TRPM8: variants seen among roughly 807,000 people sequenced by gnomAD.
TRPM8 encodes TRPM8 cationic channel.
A neutral mutation model predicts 133.7 loss-of-function variants in TRPM8; 110 were observed. The observed-to-expected ratio is 0.82, with a 90% CI of 0.70 to 0.96. The LOEUF is 0.96. Ranked by LOEUF, TRPM8 falls within the 40% of genes least tolerant of loss-of-function variation. TRPM8 has a pLI of 0.00. For synonymous variants in TRPM8, 535 were observed against 532.3 expected, an observed-to-expected ratio of 1.01 and a Z score of -0.07; for missense variants, 1,291 against 1,379.5, an observed-to-expected ratio of 0.94 and a Z score of 1.02.
chr2:233,992,041 A>T (rs965010387), intron 21 of TRPM8, among the ~76,000 whole-genome samples: 2 of 152,116 alleles, frequency 1.3e-5, no homozygotes, highest in South Asian at 2.1e-4. Context: ...GGTCTTTTTC[A>T]TATGGATCTG....
At chr2:233,993,302 C>G (rs1019610777) in intron 21 of TRPM8, among the ~76,000 whole-genome samples, 1 of 152,110 alleles carries the variant, frequency 6.6e-6, no homozygotes, top group African/African-American at 2.4e-5. Flanking sequence ...CAGGAGGGGC[C>G]GTGCAGTCAA....
chr2:234,000,334 C>G (rs1042431843), intron 22 of TRPM8, among the ~76,000 whole-genome samples: 18 of 152,114 alleles, frequency 1.2e-4, no homozygotes, highest in African/African-American at 4.3e-4. Context: ...TCGTCTTGAA[C>G]TCCTGACTTT....
At position 233,996,365 on chromosome 2, in the gene TRPM8, C is replaced by A. The variant is rs374816704; in HGVS notation, c.2979C>A (p.Val993=). Residue 993 remains valine (V), a synonymous_variant, in exon 22 of 26, where the codon GTC becomes GTA. Transcript: ENST00000324695. ...VGTVQENNDQ[V]WKFQRYFLVQ... is the part of the protein sequence containing the mutation. ...CCGTCCAGGAGAACAATGACCAGGTCTGGAAGTTCCAGAGGTACTTCCTGG... is the reference window on the plus strand; with the variant it reads ...CCGTCCAGGAGAACAATGACCAGGTATGGAAGTTCCAGAGGTACTTCCTGG... The A allele has an allele frequency of 3.7e-6, 6 of 1,614,098 alleles. No individual in the cohort carries two copies. The highest frequency in any genetic ancestry group is 5.1e-6 in the Non-Finnish European group (6 of 1,180,054).
chr2:233,921,889 T>C (rs1257318452), intron 1 of TRPM8, among the ~76,000 whole-genome samples: 4 of 152,082 alleles, frequency 2.6e-5, no homozygotes, highest in Admixed American at 2.0e-4. Context: ...GCCAGGCTGG[T>C]CTCAAACTCC....
chr2:233,946,018 C>T lies in TRPM8; in HGVS notation c.862C>T (p.Arg288Cys), dbSNP rs141984026. ...TCAGCTAGAGAAGTATATCTCTGAG[C>T]GCACTATTCAAGGTCAGTGGTTAGG... ...RNQLEKYISE[R>C]TIQDSNYGGK... is the part of the protein sequence containing the mutation. The change falls in exon 7 of 26, where the codon CGC becomes TGC. Residue 288 changes from arginine (R) to cysteine (C), a missense_variant. Around this residue, in one of 2 missense-constraint regions of TRPM8, gnomAD observed 963 missense variants for 968.9 expected, o/e 0.99. Transcript: ENST00000324695. The T allele has an allele frequency of 2.4e-5, 39 of 1,613,872 alleles. No homozygotes were observed. Among genetic ancestry groups the T allele is most frequent in the South Asian group, 1.8e-4 (16 of 91,054 alleles).
chr2:233,920,026 C>T (rs1464428922), intron 1 of TRPM8, among the ~76,000 whole-genome samples: 1 of 152,188 alleles, frequency 6.6e-6, no homozygotes, highest in East Asian at 1.9e-4. Context: ...GAGGCCACCT[C>T]ATTAGCACCT....
At chr2:233,974,436 G>T (rs1691814101) in intron 17 of TRPM8, among the ~76,000 whole-genome samples, 1 of 152,144 alleles carries the variant, frequency 6.6e-6, no homozygotes, top group African/African-American at 2.4e-5. Context: ...GTTTCACCAT[G>T]TTGGCCAGGA....
rs149198571 is a variant in TRPM8 at position 233,963,358 on chromosome 2, C to T, written c.1730C>T (p.Ser577Phe). ...ATTCTTCAGAATAAGAAGGAACTCT[C>T]CAAAGTCATTTGGGAGCAGGTAAGT... ...WAILQNKKEL[S>F]KVIWEQTRGC... The change falls in exon 13 of 26, where the codon TCC (serine) becomes TTC (phenylalanine). Residue 577 changes from serine (S) to phenylalanine (F), a missense_variant. Coordinates refer to ENST00000324695, the MANE Select transcript of TRPM8 (RefSeq NM_024080.5). 4 of 1,612,238 alleles carry T rather than the reference C, an allele frequency of 2.5e-6. No individual in the cohort carries two copies. The African/African-American group carries it at 5.3e-5, about 22-fold the overall frequency.
In TRPM8 at chr2:234,018,478, T is replaced by C. The variant is rs1693012744; in HGVS notation, c.*1222T>C. On this transcript the variant is annotated 3_prime_UTR_variant, in exon 26 of 26. Transcript: ENST00000324695. The stretch of plus-strand genomic sequence containing the variant: ...TAAAACCATTTATAAGGCTTTTTCA[T>C]AAATGTATAGCAAATAGGAATTATT... 6.6e-6 allele frequency: 1 copy of C among 151,872 alleles called. No individual in the cohort carries two copies. Among genetic ancestry groups the C allele is most frequent in the African/African-American group, 2.4e-5 (1 of 41,422 alleles). 9.4% of individuals were successfully genotyped at this position (151,872 alleles called of 1,614,324 possible).
In TRPM8 at chr2:233,945,860, A is replaced by AC. The variant is rs776535395; in HGVS notation, c.704_705insC (p.Leu237PhefsTer8). 3 of 1,609,950 alleles carry AC rather than the reference A, an allele frequency of 1.9e-6. No individual in the cohort carries two copies. Among genetic ancestry groups the AC allele is most frequent in the Admixed American group, 1.7e-5 (1 of 59,910 alleles). ...AAGTTTCCCTGTACTTTTCAGGGCT[A>AC]TTTTTTAGCCCAGTACCTTATGGAT... On this transcript the variant is annotated frameshift_variant, in exon 7 of 26. Coordinates refer to ENST00000324695, the MANE Select transcript of TRPM8 (RefSeq NM_024080.5). LOFTEE classifies it high-confidence loss of function.
At chr2:233,991,747 A>G (rs11562974) in intron 21 of TRPM8, among the ~76,000 whole-genome samples, 4,899 of 152,046 alleles carry the variant, frequency 0.032, 162 homozygotes, top group East Asian at 0.19. Flanking sequence ...TTACTGAAGT[A>G]TTTTTTTCTT....
At chr2:234,005,893 A>C (rs1227311975) in intron 22 of TRPM8, among the ~76,000 whole-genome samples, 4 of 147,248 alleles carry the variant, frequency 2.7e-5, no homozygotes, top group Non-Finnish European at 4.5e-5. Context: ...GCACCACTGC[A>C]CTCCAGCCTG....
chr2:233,960,775 G>A lies in TRPM8; in HGVS notation c.1363-1G>A. On this transcript the variant is annotated splice_acceptor_variant, in intron 11 of 25. Transcript: ENST00000324695. LOFTEE classifies it high-confidence loss of function. The stretch of plus-strand genomic sequence containing the variant: ...GTACTGTCTCTGTTCTTTCTCCTTA[G>A]TCTGCTGACCTTCAAGAAGTCATGT... 6.2e-7 allele frequency: 1 copy of A among 1,613,416 alleles called. No homozygotes were observed. Among genetic ancestry groups the A allele is most frequent in the Non-Finnish European group, 8.5e-7 (1 of 1,179,546 alleles).
intron 21 of TRPM8, among the ~76,000 whole-genome samples, chr2:233,991,684 CT>C (rs1241758759): frequency 1.3e-5 from 2 of 152,198 alleles, no homozygotes; most frequent in African/African-American, 4.8e-5. Context: ...ACTTTGCATT[CT>C]GTTCTGTGGA....
At chr2:233,988,228 G>T (rs1180348707) in intron 21 of TRPM8, among the ~76,000 whole-genome samples, 1 of 151,904 alleles carries the variant, frequency 6.6e-6, no homozygotes, top group Admixed American at 6.6e-5. Context: ...GCACATACTT[G>T]TCCTCTGTCT....
intron 3 of TRPM8, among the ~76,000 whole-genome samples, chr2:233,932,523 G>A (rs1318669212): frequency 6.6e-6 from 1 of 152,158 alleles, no homozygotes; most frequent in African/African-American, 2.4e-5. Context: ...ACTCAATGCA[G>A]AAAGGCATGA....
rs974692483 is a variant in TRPM8, at chr2:233,989,009, A to C, written c.2939+3144A>C. On this transcript the variant is annotated intron_variant, in intron 21 of 25. Transcript: ENST00000324695. This position sits in a 1 kb window ranked among gnomAD's most constrained non-coding sequence, Gnocchi z 4.2. The stretch of plus-strand genomic sequence containing the variant: ...GATAGTCCTGTAAGAACTCACCACT[A>C]ACTATATTTACAGACATTAAACAAA... Among the ~76,000 whole-genome samples, 3 of 152,202 alleles carry C rather than the reference A, an allele frequency of 2.0e-5. No homozygotes were observed. The highest frequency in any genetic ancestry group is 2.9e-5 in the Non-Finnish European group (2 of 68,018).
rs1435724664 is a variant in TRPM8, at chr2:233,939,160, A to G, written c.511A>G (p.Ile171Val). Residue 171 changes from isoleucine (I) to valine (V), a missense_variant, in exon 5 of 26, where the codon ATC (isoleucine) becomes GTC (valine). Physicochemically the swap from Ile to Val is conservative, Grantham distance 29. This residue lies in a region of TRPM8 where 963 missense variants were observed against 968.9 expected (regional missense o/e 0.99). Coordinates refer to ENST00000324695, the MANE Select transcript of TRPM8 (RefSeq NM_024080.5). ...MRKIFSRLIY[I>V]AQSKGAWILT... ...CAAGATCTTCAGCCGGCTCATCTAC[A>G]TCGCGCAGTCCAAAGGTGAGGGTGG... 1.2e-6 allele frequency: 2 copies of G among 1,614,026 alleles called. No individual in the cohort carries two copies. Among genetic ancestry groups the G allele is most frequent in the Middle Eastern group, 1.7e-4 (1 of 6,058 alleles).
intron 22 of TRPM8, among the ~76,000 whole-genome samples, chr2:233,997,752 C>T (rs1044855017): frequency 2.0e-5 from 3 of 152,150 alleles, no homozygotes; most frequent in Non-Finnish European, 2.9e-5. Context: ...ATCAACCCAA[C>T]GCATCCACAC....
Sources: gnomAD v4.1 joint callset for allele counts (sites outside exome capture counted in the v4.1 genomes callset) on GRCh38, gnomAD v4.1.1 for gene constraint, gnomAD v4.1.1 regional missense constraint, Gnocchi (gnomAD v3.1) non-coding constraint, MANE v1.5 for transcripts, NCBI Gene and HGNC (gene_info 2026-07-23, HGNC 2026-07-21) for gene names.